Variants in EZH2 observed in about 807,000 individuals in gnomAD.
The protein encoded by EZH2 is histone-lysine N-methyltransferase EZH2.
In EZH2, 18 loss-of-function variants were observed where a neutral mutation model predicts 98.4. The ratio of observed to expected loss-of-function variants is 0.18; its 90% CI spans 0.13 to 0.27. The LOEUF (loss-of-function observed/expected upper bound fraction) is 0.27, where lower values mean the gene tolerates loss of function less well. Among genes scored for constraint, EZH2 ranks in the 10% least tolerant of loss-of-function variants. The pLI is 1.00. For synonymous variants in EZH2, 338 were observed against 312.3 expected, an observed-to-expected ratio of 1.08 and a Z score of -0.87; for missense variants, 470 against 935.1, an observed-to-expected ratio of 0.50 and a Z score of 6.49.
At chr7:148,836,975 C>T (rs974027926) in intron 3 of EZH2, 3 of 502,174 alleles carry the variant, frequency 6.0e-6, no homozygotes, top group Non-Finnish European at 7.9e-6. Flanking sequence ...TATGGAAAAT[C>T]GTAGAGGGAA....
intron 3 of EZH2, among the ~76,000 whole-genome samples, chr7:148,843,352 C>T (rs1812992161): frequency 1.3e-5 from 2 of 151,928 alleles, no homozygotes; most frequent in African/African-American, 4.8e-5. Flanking sequence ...GCCTAGGCAA[C>T]AGAGCAAGAC....
rs192714386 is a variant in EZH2 at position 148,855,812 on chromosome 7, C to T, written c.-7-8507G>A. 2.9e-4 allele frequency among the ~76,000 whole-genome samples: 43 copies of T among 148,492 alleles called. No individual in the cohort carries two copies. In the East Asian group the frequency reaches 8.5e-3, roughly 29 times the overall value. On this transcript the variant is annotated intron_variant, in intron 1 of 19. Coordinates refer to ENST00000320356, the MANE Select transcript of EZH2 (RefSeq NM_004456.5). ...ACTCAGGAGGCTGAGGCAGGAGAAT[C>T]GCTTGAACCTAGGAGGCGGAGGTTG... is the stretch of plus-strand genomic sequence containing the variant.
chr7:148,825,082 AC>A (rs1807310833), intron 8 of EZH2, among the ~76,000 whole-genome samples: 1 of 152,262 alleles, frequency 6.6e-6, no homozygotes, highest in African/African-American at 2.4e-5. Flanking sequence ...ATTAAATGCT[AC>A]ATCTATAAAC....
At chr7:148,821,409 G>A (rs1371604163) in intron 8 of EZH2, among the ~76,000 whole-genome samples, 1 of 152,012 alleles carries the variant, frequency 6.6e-6, no homozygotes, top group East Asian at 1.9e-4. Context: ...GAGAGGTGAT[G>A]GTATGGTTAG....
intron 18 of EZH2, 74 bp downstream of exon 18, chr7:148,809,236 T>C: frequency 2.5e-6 from 4 of 1,586,900 alleles, no homozygotes; most frequent in East Asian, 2.2e-5. Flanking sequence ...AACAAACAAC[T>C]ATCCCAGAAG....
intron 19 of EZH2, among the ~76,000 whole-genome samples, chr7:148,808,197 G>T (rs1056868228): frequency 2.6e-5 from 4 of 152,210 alleles, no homozygotes; most frequent in African/African-American, 9.6e-5. Flanking sequence ...CCCACCATGG[G>T]GGGTGAGGCC....
chr7:148,809,960 G>A (rs1333919502), intron 17 of EZH2, among the ~76,000 whole-genome samples: 5 of 152,232 alleles, frequency 3.3e-5, no homozygotes, highest in Admixed American at 3.3e-4. Context: ...CTGGAAGATG[G>A]TTGCAAATGC....
intron 8 of EZH2, among the ~76,000 whole-genome samples, chr7:148,821,632 C>T (rs779106343): frequency 6.6e-6 from 1 of 152,106 alleles, no homozygotes. Context: ...TAAGACCAGC[C>T]TGGGCAACAT....
At chr7:148,816,454 C>G (rs1042162217) in intron 12 of EZH2, among the ~76,000 whole-genome samples, 1 of 152,162 alleles carries the variant, frequency 6.6e-6, no homozygotes, top group Non-Finnish European at 1.5e-5. Flanking sequence ...GTCTGGTAAC[C>G]GTAATTTTTA....
intron 1 of EZH2, among the ~76,000 whole-genome samples, chr7:148,874,618 G>A (rs760345325): frequency 6.6e-6 from 1 of 152,052 alleles, no homozygotes; most frequent in Non-Finnish European, 1.5e-5. Context: ...TGTTAAACAG[G>A]AAAAGGAAAA....
chr7:148,819,863 T>A (rs910827282), intron 8 of EZH2, among the ~76,000 whole-genome samples, 176 bp from the exon 9 acceptor site: 1 of 152,208 alleles, frequency 6.6e-6, no homozygotes, highest in Non-Finnish European at 1.5e-5. Flanking sequence ...GTATTCTCCA[T>A]TCCTCCTCCT....
intron 8 of EZH2, among the ~76,000 whole-genome samples, chr7:148,821,765 GC>G (rs1385468209): frequency 3.3e-5 from 5 of 152,254 alleles, no homozygotes; most frequent in Admixed American, 6.5e-5. Flanking sequence ...AGTCAAGGTT[GC>G]AGTGAGCCAT....
At chr7:148,824,453 A>G (rs1294341518) in intron 8 of EZH2, among the ~76,000 whole-genome samples, 1 of 152,172 alleles carries the variant, frequency 6.6e-6, no homozygotes, top group Non-Finnish European at 1.5e-5. Context: ...TTCTATGTTT[A>G]TTATGATTTA....
intron 1 of EZH2, among the ~76,000 whole-genome samples, chr7:148,851,080 C>A (rs1815637742): frequency 6.6e-6 from 1 of 152,030 alleles, no homozygotes; most frequent in Non-Finnish European, 1.5e-5. Flanking sequence ...ACAAACAGGT[C>A]TATTAACCCA....
At chr7:148,875,473 G>A (rs539733497) in intron 1 of EZH2, among the ~76,000 whole-genome samples, 1 of 152,200 alleles carries the variant, frequency 6.6e-6, no homozygotes, top group South Asian at 2.1e-4. Context: ...ACCAAAAAAA[G>A]TACACAAATG....
At chr7:148,870,067 A>T (rs1029841364) in intron 1 of EZH2, among the ~76,000 whole-genome samples, 1 of 152,202 alleles carries the variant, frequency 6.6e-6, no homozygotes, top group Admixed American at 6.5e-5. Context: ...TTCAAAAAGA[A>T]TCTTCATAGC....
In EZH2 at chr7:148,847,921, A is replaced by G. The variant is rs187886654; in HGVS notation, c.-7-616T>C. ...GAGGGGTTTCTGCTATCAAGCGAAA[A>G]GAGGAATGCAGGAAATGCAAAGTAA... is the stretch of plus-strand genomic sequence containing the variant. On this transcript the variant is annotated intron_variant, in intron 1 of 19. Transcript: ENST00000320356. 2.6e-5 allele frequency among the ~76,000 whole-genome samples: 4 copies of G among 152,314 alleles called. No individual in the cohort carries two copies. The East Asian group carries it at 7.7e-4, about 29-fold the overall frequency.
chr7:148,819,648 G>T lies in EZH2; in HGVS notation c.947C>A (p.Thr316Lys). 1 of 1,614,134 alleles carries T rather than the reference G, an allele frequency of 6.2e-7. No homozygotes were observed. The highest frequency in any genetic ancestry group is 8.5e-7 in the Non-Finnish European group (1 of 1,179,970). ...ATPNTYKRKN[T>K]ETALDNKPCG... is the part of the protein sequence containing the mutation. ...AGGTTTGTTGTCTAGAGCTGTTTCT[G>T]TGTTCTTCCGCTTATAAGTGTTGGG... Residue 316 changes from threonine (T) to lysine (K), a missense_variant, in exon 9 of 20, where the codon ACA becomes AAA. Thr to Lys is a moderately conservative substitution (Grantham distance 78). Transcript: ENST00000320356.
intron 1 of EZH2, among the ~76,000 whole-genome samples, chr7:148,870,385 T>C (rs1389229716): frequency 6.6e-6 from 1 of 152,090 alleles, no homozygotes; most frequent in Non-Finnish European, 1.5e-5. Context: ...AGTTTTTTCC[T>C]ATCATCAGCA....
Sources: gnomAD v4.1 joint callset for allele counts (sites outside exome capture counted in the v4.1 genomes callset) on GRCh38, gnomAD v4.1.1 for gene constraint, MANE v1.5 for transcripts, NCBI Gene and HGNC (gene_info 2026-07-23, HGNC 2026-07-21) for gene names.